ATP10B: variants seen among roughly 807,000 people sequenced by gnomAD.
ATP10B encodes ATPase phospholipid transporting 10B (putative).
Under a neutral mutation model 141.2 loss-of-function variants are expected in ATP10B, and 122 were observed. The ratio of observed to expected loss-of-function variants is 0.86; its 90% CI spans 0.75 to 1.00. The LOEUF (loss-of-function observed/expected upper bound fraction) is 1.00. ATP10B is among the 50% of genes least tolerant of loss of function. ATP10B has a pLI of 0.00. For missense variants in ATP10B, 1,876 were observed against 1,825.3 expected, an observed-to-expected ratio of 1.03 and a Z score of -0.51; for synonymous variants, 685 against 692.0, an observed-to-expected ratio of 0.99 and a Z score of 0.16.
intron 24 of ATP10B, among the ~76,000 whole-genome samples, chr5:160,574,494 G>A (rs1056075671): frequency 6.6e-6 from 1 of 152,026 alleles, no homozygotes; most frequent in African/African-American, 2.4e-5. Flanking sequence ...TTCTTTCCTT[G>A]AACTGCCCAT....
chr5:160,848,733 G>A (rs944859194), intron 1 of ATP10B, among the ~76,000 whole-genome samples: 7 of 152,144 alleles, frequency 4.6e-5, no homozygotes, highest in Admixed American at 2.0e-4. Flanking sequence ...GGGTAGAGAG[G>A]TATTAAAGGT....
At chr5:160,681,456 T>C (rs1328068399) in intron 6 of ATP10B, among the ~76,000 whole-genome samples, 1 of 152,226 alleles carries the variant, frequency 6.6e-6, no homozygotes. Flanking sequence ...CTCAAGGTCA[T>C]ACCCTCTCTC....
At chr5:160,704,886 C>A (rs1426145163) in intron 3 of ATP10B, among the ~76,000 whole-genome samples, 6 of 128,682 alleles carry the variant, frequency 4.7e-5, no homozygotes, top group Admixed American at 7.6e-5. Flanking sequence ...ATGAAATAAT[C>A]TCTGCTAGCT....
intron 3 of ATP10B, among the ~76,000 whole-genome samples, chr5:160,706,371 C>T (rs770439687): frequency 1.2e-4 from 19 of 152,094 alleles, no homozygotes; most frequent in African/African-American, 3.4e-4. Flanking sequence ...AGCAATGAAA[C>T]GAGGTTTGCC....
At chr5:160,705,293 C>T (rs1345445257) in intron 3 of ATP10B, among the ~76,000 whole-genome samples, 1 of 152,116 alleles carries the variant, frequency 6.6e-6, no homozygotes, top group South Asian at 2.1e-4. Flanking sequence ...ACCATCTCAG[C>T]TTATGGTGGC....
chr5:160,618,418 A>C (rs1344543518), intron 15 of ATP10B, among the ~76,000 whole-genome samples: 3 of 152,126 alleles, frequency 2.0e-5, no homozygotes, highest in Admixed American at 6.5e-5. Context: ...ACTGTTCTCT[A>C]TTTATCATCT....
chr5:160,602,641 A>G lies in ATP10B; in HGVS notation c.3299T>C (p.Val1100Ala). 1 of 1,614,088 alleles carries G rather than the reference A, an allele frequency of 6.2e-7. No individual in the cohort carries two copies. Among genetic ancestry groups the G allele is most frequent in the Admixed American group, 1.7e-5 (1 of 60,026 alleles). The change falls in exon 21 of 26, where the codon GTG becomes GCG. Residue 1100 changes from valine (V) to alanine (A), a missense_variant. Physicochemically the swap from Val to Ala is moderately conservative, Grantham distance 64. Transcript: ENST00000327245. Reference protein sequence around the residue: ...RFKHLKKLLLVHGHWCYSRLA... With the variant: ...RFKHLKKLLLAHGHWCYSRLA... ...GCGCGAGTAACACCAGTGGCCATGC[A>G]CGAGCAGCAACTTCTTGAGATGCTT...
the ATP10B span, among the ~76,000 whole-genome samples, chr5:160,925,997 CAGT>C: frequency 1.3e-5 from 2 of 152,192 alleles, no homozygotes; most frequent in African/African-American, 2.4e-5. Context: ...TAATATAGCC[CAGT>C]AGAAGGCATT....
intron 2 of ATP10B, among the ~76,000 whole-genome samples, chr5:160,761,910 G>C (rs887691596): frequency 6.6e-6 from 1 of 152,064 alleles, no homozygotes; most frequent in Non-Finnish European, 1.5e-5. Context: ...GAAATAACAG[G>C]TACACTTAGA....
At chr5:160,799,170 A>C (rs1382129607) in intron 1 of ATP10B, among the ~76,000 whole-genome samples, 1 of 152,108 alleles carries the variant, frequency 6.6e-6, no homozygotes, top group Non-Finnish European at 1.5e-5. Flanking sequence ...ATGAGTAAAA[A>C]GAAGTCCTCG....
In ATP10B at chr5:160,634,538, G is replaced by A. The variant is rs1759209923; in HGVS notation, c.1197C>T (p.Ser399=). The change falls in exon 12 of 26, where the codon AGC becomes AGT. Residue 399 remains serine, a synonymous_variant. Coordinates refer to ENST00000327245, the MANE Select transcript of ATP10B (RefSeq NM_025153.3). ...CTTCATCATACAGGTCAAGGTCATT[G>A]CTCAAGAAGAACACTTGCCCGAGCT... is the stretch of plus-strand genomic sequence containing the variant. ...LVKLGQVFFL[S]NDLDLYDEET... 6.2e-7 allele frequency: 1 copy of A among 1,614,150 alleles called. No homozygotes were observed. Among genetic ancestry groups the A allele is most frequent in the Non-Finnish European group, 8.5e-7 (1 of 1,180,022 alleles).
At chr5:160,650,903 C>T (rs1013608369) in intron 7 of ATP10B, among the ~76,000 whole-genome samples, 5 of 152,274 alleles carry the variant, frequency 3.3e-5, no homozygotes, top group African/African-American at 1.2e-4. Flanking sequence ...GAAATAGCAG[C>T]CCAACCCTCA....
chr5:160,763,641 C>T (rs527922603), intron 2 of ATP10B, among the ~76,000 whole-genome samples: 4 of 152,230 alleles, frequency 2.6e-5, no homozygotes, highest in Middle Eastern at 3.4e-3. Context: ...TCTAGGGTTA[C>T]ACCTCAGGGA....
At chr5:160,645,713 A>G (rs1450345024) in intron 8 of ATP10B, among the ~76,000 whole-genome samples, 1 of 152,138 alleles carries the variant, frequency 6.6e-6, no homozygotes, top group Admixed American at 6.5e-5. Flanking sequence ...TAACTTTCCA[A>G]ACCTATTTGG....
rs2127666006 is a variant in ATP10B at position 160,634,549 on chromosome 5, A to C, written c.1186T>G (p.Phe396Val). 2 of 1,614,098 alleles carry C rather than the reference A, an allele frequency of 1.2e-6. No homozygotes were observed. The highest frequency in any genetic ancestry group is 1.6e-4 in the Middle Eastern group (1 of 6,062). Reference sequence around the variant, plus strand: ...AGGTCAAGGTCATTGCTCAAGAAGAACACTTGCCCGAGCTTCACCAGCTCA... The same window carrying C: ...AGGTCAAGGTCATTGCTCAAGAAGACCACTTGCCCGAGCTTCACCAGCTCA... ...SIELVKLGQVFFLSNDLDLYD... is the reference protein window; with the variant it reads ...SIELVKLGQVVFLSNDLDLYD... The change falls in exon 12 of 26, where the codon TTC becomes GTC. Residue 396 changes from phenylalanine to valine, a missense_variant. Phe to Val is a conservative substitution (Grantham distance 50, BLOSUM62 -1). Coordinates refer to ENST00000327245, the MANE Select transcript of ATP10B (RefSeq NM_025153.3).
At chr5:160,904,928 CT>C in the ATP10B span, among the ~76,000 whole-genome samples, 1 of 152,164 alleles carries the variant, frequency 6.6e-6, no homozygotes, top group Non-Finnish European at 1.5e-5. Flanking sequence ...GAAACAAACT[CT>C]AGCTATTTTG....
chr5:160,683,069 A>G (rs1327609161), intron 6 of ATP10B, among the ~76,000 whole-genome samples: 1 of 149,732 alleles, frequency 6.7e-6, no homozygotes, highest in African/African-American at 2.5e-5. Context: ...AAAAAAGAAG[A>G]AGAAGAAAAG....
chr5:160,732,853 T>C (rs1241906572), intron 2 of ATP10B, among the ~76,000 whole-genome samples: 1 of 152,206 alleles, frequency 6.6e-6, no homozygotes, highest in Non-Finnish European at 1.5e-5. Flanking sequence ...GTTTTTGTTC[T>C]GTTTTCAGAG....
chr5:160,783,592 CACACAT>C (rs1207264561), intron 2 of ATP10B, among the ~76,000 whole-genome samples: 2,397 of 108,428 alleles, frequency 0.022, 32 homozygotes, highest in East Asian at 0.05. Context: ...CACACACACA[CACACAT>C]ACACACACAC....
Sources: gnomAD v4.1 joint callset for allele counts (sites outside exome capture counted in the v4.1 genomes callset) on GRCh38, gnomAD v4.1.1 for gene constraint, MANE v1.5 for transcripts, NCBI Gene and HGNC (gene_info 2026-07-23, HGNC 2026-07-21) for gene names.